C2CD2: variants seen among roughly 807,000 people sequenced by gnomAD.
C2CD2 encodes the protein C2 calcium dependent domain containing 2.
Under a neutral mutation model 74.3 loss-of-function variants are expected in C2CD2, and 43 were observed. That is an observed-to-expected ratio of 0.58 (90% confidence interval 0.45 to 0.75). The LOEUF is 0.75. Among genes scored for constraint, C2CD2 ranks in the 30% least tolerant of loss-of-function variants. The probability of loss-of-function intolerance (pLI) is 0.00; values close to 1 mark genes in which losing one functional copy is unlikely to be tolerated. For synonymous variants in C2CD2, 422 were observed against 390.7 expected, an observed-to-expected ratio of 1.08 and a Z score of -0.94; for missense variants, 801 against 916.3, an observed-to-expected ratio of 0.87 and a Z score of 1.63.
At chr21:41,908,243 T>TTTGTGTGTGTGTGTGTGTGTGTG (rs1555901419) in intron 8 of C2CD2, 2 of 168,698 alleles carry the variant, frequency 1.2e-5, no homozygotes, top group Non-Finnish European at 2.4e-5. Flanking sequence ...TACCCTCAAG[T>TTTGTGTGTGTGTGTGTGTGTGTG]TGTGTGTGTG....
intron 2 of C2CD2, among the ~76,000 whole-genome samples, chr21:41,933,743 G>A (rs1380710039): frequency 1.3e-5 from 2 of 152,204 alleles, no homozygotes; most frequent in African/African-American, 2.4e-5. Context: ...GAGCGACCAG[G>A]CTCCTCCTCC....
intron 12 of C2CD2, chr21:41,901,374 G>A (rs929674883): frequency 3.8e-5 from 21 of 554,758 alleles, no homozygotes; most frequent in East Asian, 1.9e-4. Flanking sequence ...GAAATGATTT[G>A]CCAACCTCTC....
At chr21:41,906,201 G>A (rs187441464) in intron 10 of C2CD2, among the ~76,000 whole-genome samples, 128 of 152,316 alleles carry the variant, frequency 8.4e-4, no homozygotes, top group African/African-American at 2.7e-3. Context: ...AGTGCCTGTG[G>A]AGACAGGTAC....
At position 41,926,633 on chromosome 21, in the gene C2CD2, C is replaced by T. The variant is rs184545638; in HGVS notation, c.379-4548G>A. The T allele has an allele frequency of 3.0e-6, 3 of 984,980 alleles. No individual in the cohort carries two copies. The highest frequency in any genetic ancestry group is 2.3e-4 in the East Asian group (2 of 8,796). 61.0% of individuals were successfully genotyped at this position (984,980 alleles called of 1,614,324 possible). ...GTTTAGACTTGGGGCCAAAAAATTC[C>T]AGGCACAGTTACTCCAGATTTTGCT... On this transcript the variant is annotated intron_variant, in intron 2 of 13. Coordinates refer to ENST00000380486, the MANE Select transcript of C2CD2 (RefSeq NM_015500.2). This position sits in a 1 kb window ranked among gnomAD's most constrained non-coding sequence, Gnocchi z 8.0.
At chr21:41,907,588 A>G in intron 9 of C2CD2, 72 bp downstream of exon 9, 1 of 1,522,464 alleles carries the variant, frequency 6.6e-7, no homozygotes, top group East Asian at 2.3e-5. Context: ...GACTCTGCAG[A>G]CATAAGTGAA....
In C2CD2 at chr21:41,887,307, G is replaced by A. The variant is rs765888381; in HGVS notation, c.*1817C>T. On this transcript the variant is annotated 3_prime_UTR_variant, in exon 14 of 14. Coordinates refer to ENST00000380486, the MANE Select transcript of C2CD2 (RefSeq NM_015500.2). The stretch of plus-strand genomic sequence containing the variant: ...TGCTTTTTTTACAATGATTAAAACT[G>A]GAATATAATTTTTAAAAACAAAGCA... 3.3e-5 allele frequency: 5 copies of A among 152,026 alleles called. No individual in the cohort carries two copies. Among genetic ancestry groups the A allele is most frequent in the Non-Finnish European group, 7.4e-5 (5 of 68,010 alleles). 9.4% of individuals were successfully genotyped at this position (152,026 alleles called of 1,614,324 possible).
At chr21:41,898,951 G>A (rs9982683) in intron 13 of C2CD2, 102 bp downstream of exon 13, 27,170 of 879,984 alleles carry the variant, frequency 0.031, 585 homozygotes, top group Non-Finnish European at 0.041. Flanking sequence ...GGAGTTTGTA[G>A]GGGACAAAGG....
intron 1 of C2CD2, among the ~76,000 whole-genome samples, chr21:41,952,759 C>T (rs1388753192): frequency 6.6e-6 from 1 of 152,222 alleles, no homozygotes; most frequent in African/African-American, 2.4e-5. Context: ...AGGCTGCTTG[C>T]CCTCTCCGGG....
At chr21:41,925,477 T>C (rs796834198) in intron 2 of C2CD2, among the ~76,000 whole-genome samples, 4 of 152,318 alleles carry the variant, frequency 2.6e-5, no homozygotes, top group African/African-American at 9.6e-5. Context: ...ATTCTGAACC[T>C]GCCTCAAATT....
chr21:41,906,721 A>C (rs1006455520), intron 10 of C2CD2, among the ~76,000 whole-genome samples: 1 of 152,240 alleles, frequency 6.6e-6, no homozygotes, highest in Non-Finnish European at 1.5e-5. Flanking sequence ...GCAACTATTT[A>C]CACTATCTAG....
rs1555906756 is a variant in C2CD2 at position 41,947,112 on chromosome 21, T to TTCTCTCCCTCTCTC, written c.280-4868_280-4867insGAGAGAGGGAGAGA. On this transcript the variant is annotated intron_variant, in intron 1 of 13. Transcript: ENST00000380486. ...TTTCTTTCTTTCTTTCCTTTCTCTTTTCTCTCTCTCTCTCTCTCTCTCTCT... is the reference window on the plus strand; with the variant it reads ...TTTCTTTCTTTCTTTCCTTTCTCTTTTCTCTCCCTCTCTCTCTCTCTCTCTCTCTCTCTCTCTCT... Among the ~76,000 whole-genome samples the TTCTCTCCCTCTCTC allele has an allele frequency of 9.9e-4, 26 of 26,216 alleles. 3 individuals are homozygous for TTCTCTCCCTCTCTC. The highest frequency in any genetic ancestry group is 1.6e-3 in the Non-Finnish European group (18 of 11,046). 17.2% of individuals were successfully genotyped at this position (26,216 alleles called of 152,430 possible).
chr21:41,899,319 T>C lies in C2CD2; in HGVS notation c.1604A>G (p.Tyr535Cys), dbSNP rs1187011634. Residue 535 changes from tyrosine to cysteine, a missense_variant, in exon 13 of 14, where the codon TAC becomes TGC. Transcript: ENST00000380486. This position sits in a 1 kb window ranked among gnomAD's most constrained non-coding sequence, Gnocchi z 4.4. ...QDHDAALMQG[Y>C]TASVDSTHQE... ...GTGGGTGCTGTCCACAGAGGCCGTG[T>C]AGCCCTGCATCAGGGCAGCGTCGTG... is the stretch of plus-strand genomic sequence containing the variant. 2 of 1,609,832 alleles carry C rather than the reference T, an allele frequency of 1.2e-6. No homozygotes were observed. Among genetic ancestry groups the C allele is most frequent in the African/African-American group, 1.3e-5 (1 of 75,016 alleles).
chr21:41,910,191 C>T (rs1401816730), intron 7 of C2CD2, among the ~76,000 whole-genome samples: 2 of 152,096 alleles, frequency 1.3e-5, no homozygotes, highest in Admixed American at 6.5e-5. Context: ...AACTACAGAG[C>T]AACATCATGT....
chr21:41,931,838 T>A (rs1239666538), intron 2 of C2CD2, among the ~76,000 whole-genome samples: 1 of 146,916 alleles, frequency 6.8e-6, no homozygotes, highest in Non-Finnish European at 1.5e-5. Flanking sequence ...CTACCCCACC[T>A]CCAACATCCC....
Position 41,918,873 on chromosome 21 carries a change from G to A in C2CD2, c.580C>T (p.Pro194Ser). 6.2e-7 allele frequency: 1 copy of A among 1,613,810 alleles called. No homozygotes were observed. The highest frequency in any genetic ancestry group is 8.5e-7 in the Non-Finnish European group (1 of 1,179,684). Residue 194 changes from proline to serine, a missense_variant, in exon 4 of 14, where the codon CCC becomes TCC. Transcript: ENST00000380486. ...GGACTGACCTCCCCCAGTGCTTTGG[G>A]CTGGATATTAACGGCCATTTCCGGC... ...SVPEMAVNIQ[P>S]KALGEDQVAE...
At chr21:41,890,202 T>A (rs545114650) in intron 13 of C2CD2, among the ~76,000 whole-genome samples, 93 of 152,352 alleles carry the variant, frequency 6.1e-4, no homozygotes, top group Non-Finnish European at 1.1e-3. Flanking sequence ...TAATTCCAGA[T>A]CCTATCATAT....
At position 41,907,639 on chromosome 21, in the gene C2CD2, C is replaced by T. The variant is rs370639071; in HGVS notation, c.1143+21G>A. On this transcript the variant is annotated intron_variant, in intron 9 of 13. Transcript: ENST00000380486. Reference sequence around the variant, plus strand: ...AGTGCCCCAAGCCGGAACCCGGCCGCGGCGGACAGCCTCGCCCTACCTCTG... The same window carrying T: ...AGTGCCCCAAGCCGGAACCCGGCCGTGGCGGACAGCCTCGCCCTACCTCTG... 128 of 1,601,686 alleles carry T rather than the reference C, an allele frequency of 8.0e-5. No homozygotes were observed. The African/African-American group carries it at 9.5e-4, about 12-fold the overall frequency.
At chr21:41,896,728 A>AC (rs1470074026) in intron 13 of C2CD2, among the ~76,000 whole-genome samples, 8 of 151,072 alleles carry the variant, frequency 5.3e-5, no homozygotes. Flanking sequence ...AAAAAAAAAA[A>AC]ACAAGCTTTA....
intron 2 of C2CD2, among the ~76,000 whole-genome samples, chr21:41,928,547 A>G (rs2065235994): frequency 9.3e-5 from 6 of 64,344 alleles, no homozygotes; most frequent in Admixed American, 5.5e-4. Context: ...AGCAAAGCAA[A>G]AAAAAAAAAA....
Sources: gnomAD v4.1 joint callset for allele counts (sites outside exome capture counted in the v4.1 genomes callset) on GRCh38, gnomAD v4.1.1 for gene constraint, Gnocchi (gnomAD v3.1) non-coding constraint, MANE v1.5 for transcripts, NCBI Gene and HGNC (gene_info 2026-07-23, HGNC 2026-07-21) for gene names.